Variants in NALF1 observed in about 807,000 individuals in gnomAD.
NALF1 encodes family with sequence similarity 155 member A.
Under a neutral mutation model 48.4 loss-of-function variants are expected in NALF1, and 3 were observed. The ratio of observed to expected loss-of-function variants is 0.06; its 90% CI spans 0.03 to 0.16. The LOEUF is 0.16. Among genes scored for constraint, NALF1 ranks in the 10% least tolerant of loss-of-function variants. The pLI is 1.00. For synonymous variants in NALF1, 262 were observed against 245.7 expected, an observed-to-expected ratio of 1.07 and a Z score of -0.62; for missense variants, 526 against 571.5, an observed-to-expected ratio of 0.92 and a Z score of 0.81.
chr13:107,780,733 A>C (rs1877864198), intron 1 of NALF1, among the ~76,000 whole-genome samples: 1 of 152,020 alleles, frequency 6.6e-6, no homozygotes, highest in Non-Finnish European at 1.5e-5. Flanking sequence ...GGAGTTTGAG[A>C]CCAGCCTGAC....
At chr13:107,614,226 A>G (rs1879317239) in intron 1 of NALF1, among the ~76,000 whole-genome samples, 1 of 152,196 alleles carries the variant, frequency 6.6e-6, no homozygotes, top group Non-Finnish European at 1.5e-5. Flanking sequence ...TCACTTACCT[A>G]AAAGTGATCA....
intron 1 of NALF1, among the ~76,000 whole-genome samples, chr13:107,436,128 A>G (rs908471538): frequency 1.3e-5 from 2 of 152,346 alleles, no homozygotes; most frequent in East Asian, 3.9e-4. Context: ...ATGGATTAAT[A>G]TATTTCTTCT....
At chr13:107,318,102 C>T (rs1882184625) in intron 1 of NALF1, among the ~76,000 whole-genome samples, 1 of 151,944 alleles carries the variant, frequency 6.6e-6, no homozygotes, top group Non-Finnish European at 1.5e-5. Context: ...AGAACTCTGT[C>T]AGAAAAAAGC....
intron 1 of NALF1, among the ~76,000 whole-genome samples, chr13:107,510,949 C>T (rs563196038): frequency 5.3e-5 from 8 of 152,256 alleles, no homozygotes; most frequent in South Asian, 2.1e-4. Flanking sequence ...GAAATTCCCA[C>T]GCCCATCCTA....
intron 1 of NALF1, among the ~76,000 whole-genome samples, chr13:107,784,809 A>G (rs1351662760): frequency 1.3e-5 from 2 of 152,196 alleles, no homozygotes; most frequent in Admixed American, 1.3e-4. Flanking sequence ...GTGGGAATGT[A>G]AAGTAGTGCA....
At position 107,783,211 on chromosome 13, in the gene NALF1, G is replaced by A. The variant is rs1331796383; in HGVS notation, c.915+82471C>T. On this transcript the variant is annotated intron_variant, in intron 1 of 2. Coordinates refer to ENST00000375915, the MANE Select transcript of NALF1 (RefSeq NM_001080396.3). ...GAGGTGGGGGGTCAGTCCCCCGCCCGGCCAGCCGCCCCGTCCGGGAGGGAG... is the reference window on the plus strand; with the variant it reads ...GAGGTGGGGGGTCAGTCCCCCGCCCAGCCAGCCGCCCCGTCCGGGAGGGAG... Among the ~76,000 whole-genome samples the A allele has an allele frequency of 5.8e-4, 76 of 132,120 alleles. 3 individuals are homozygous for A. Among genetic ancestry groups the A allele is most frequent in the African/African-American group, 1.8e-3 (65 of 35,380 alleles). 86.7% of individuals were successfully genotyped at this position (132,120 alleles called of 152,430 possible).
intron 1 of NALF1, among the ~76,000 whole-genome samples, chr13:107,855,273 C>G (rs1880416440): frequency 6.6e-6 from 1 of 152,232 alleles, no homozygotes; most frequent in Admixed American, 6.5e-5. Context: ...CCAAGATTGT[C>G]CAACCCCCGG....
intron 2 of NALF1, among the ~76,000 whole-genome samples, chr13:107,175,942 T>C (rs1214224195): frequency 6.6e-6 from 1 of 152,084 alleles, no homozygotes. Flanking sequence ...CATCCCAGCT[T>C]CAGATTTTTT....
chr13:107,725,707 AACTGAACTGCCTTAATT>A (rs1482820055), intron 1 of NALF1, among the ~76,000 whole-genome samples: 4 of 151,638 alleles, frequency 2.6e-5, no homozygotes, highest in African/African-American at 9.7e-5. Context: ...AAAAAAAGTG[AACTGAACTGCCTTAATT>A]CAACTCACTG....
chr13:107,642,486 T>A (rs1044470850), intron 1 of NALF1, among the ~76,000 whole-genome samples: 19 of 152,226 alleles, frequency 1.2e-4, no homozygotes, highest in Admixed American at 6.5e-4. Context: ...ATTGCATACA[T>A]TGCATGTTGC....
At chr13:107,217,299 G>A (rs555656117) in intron 1 of NALF1, among the ~76,000 whole-genome samples, 24 of 152,120 alleles carry the variant, frequency 1.6e-4, no homozygotes, top group African/African-American at 4.8e-4. Flanking sequence ...AAATGCCACT[G>A]GGACTTGTTT....
chr13:107,275,902 A>C (rs1169329547), intron 1 of NALF1, among the ~76,000 whole-genome samples: 2 of 152,156 alleles, frequency 1.3e-5, no homozygotes, highest in Non-Finnish European at 2.9e-5. Flanking sequence ...CTTCGAGCTC[A>C]TGCATGTGGC....
intron 1 of NALF1, among the ~76,000 whole-genome samples, chr13:107,842,940 G>A (rs1880080012): frequency 6.6e-6 from 1 of 152,034 alleles, no homozygotes; most frequent in South Asian, 2.1e-4. Flanking sequence ...AAACTGATGT[G>A]TTCTCCTCAA....
chr13:107,343,826 G>A (rs1445266774), intron 1 of NALF1, among the ~76,000 whole-genome samples: 1 of 151,910 alleles, frequency 6.6e-6, no homozygotes, highest in Non-Finnish European at 1.5e-5. Context: ...AAGTAAACAG[G>A]TAGCTAACAG....
chr13:107,538,486 C>T (rs2809284), intron 1 of NALF1, among the ~76,000 whole-genome samples: 3,697 of 152,214 alleles, frequency 0.024, 142 homozygotes, highest in African/African-American at 0.085. Context: ...AATTACCTTT[C>T]AACAAGCCAA....
At chr13:107,205,457 A>AC (rs1879620035) in intron 2 of NALF1, among the ~76,000 whole-genome samples, 1 of 152,086 alleles carries the variant, frequency 6.6e-6, no homozygotes. Context: ...CAGGCAGTGA[A>AC]CGTCCTTTCA....
intron 2 of NALF1, among the ~76,000 whole-genome samples, chr13:107,173,238 T>C (rs1201776256): frequency 6.6e-6 from 1 of 152,188 alleles, no homozygotes; most frequent in Non-Finnish European, 1.5e-5. Flanking sequence ...TCAGGAAGTG[T>C]GGAGATAAAA....
chr13:107,690,178 T>C (rs1253081755), intron 1 of NALF1, among the ~76,000 whole-genome samples: 2 of 152,208 alleles, frequency 1.3e-5, no homozygotes, highest in Non-Finnish European at 2.9e-5. Flanking sequence ...AAGAAGAAAC[T>C]GCACTGAGAC....
chr13:107,478,831 T>C (rs1402443798), intron 1 of NALF1, among the ~76,000 whole-genome samples: 1 of 152,162 alleles, frequency 6.6e-6, no homozygotes, highest in Admixed American at 6.6e-5. Context: ...GTCACTATTA[T>C]GTAACGTATT....
Sources: allele counts gnomAD v4.1 joint callset (sites outside exome capture counted in the v4.1 genomes callset), GRCh38; gene constraint gnomAD v4.1.1; transcripts MANE v1.5; gene names NCBI Gene and HGNC (gene_info 2026-07-23, HGNC 2026-07-21).